The following DNAH8 variants were observed in gnomAD, a reference collection of about 807,000 sequenced individuals.
DNAH8 encodes axonemal beta dynein heavy chain 8.
DNAH8 carries 382 observed loss-of-function variants against 562.1 expected under a neutral mutation model. That is an observed-to-expected ratio of 0.68 (90% CI 0.63 to 0.74). DNAH8 has a LOEUF of 0.74. Ranked by LOEUF, DNAH8 falls within the 30% of genes least tolerant of loss-of-function variation. The pLI is 0.00. For synonymous variants in DNAH8, 1,881 were observed against 1,919.4 expected (o/e 0.98, Z 0.52); for missense variants, 5,203 against 5,620.4 (o/e 0.93, Z 2.37).
At chr6:38,907,867 G>A (rs753173807) in intron 63 of DNAH8, 89 bp from the exon 64 acceptor site, 148 of 1,120,940 alleles carry the variant, frequency 1.3e-4, no homozygotes, top group Non-Finnish European at 1.7e-4. Context: ...AAGATGACAT[G>A]CAAATTAAAA....
At chr6:38,811,222 C>G (rs1304185550) in intron 24 of DNAH8, among the ~76,000 whole-genome samples, 1 of 152,148 alleles carries the variant, frequency 6.6e-6, no homozygotes, top group Non-Finnish European at 1.5e-5. Flanking sequence ...TTCTGGAACT[C>G]CTATTAATTG....
intron 62 of DNAH8, among the ~76,000 whole-genome samples, chr6:38,901,270 A>G (rs1258083865): frequency 6.6e-6 from 1 of 152,102 alleles, no homozygotes; most frequent in Non-Finnish European, 1.5e-5. Flanking sequence ...CTAAGGGCAC[A>G]TAGATATTTT....
intron 82 of DNAH8, among the ~76,000 whole-genome samples, chr6:38,971,182 G>A (rs1223813971): frequency 1.3e-5 from 2 of 152,182 alleles, no homozygotes; most frequent in Non-Finnish European, 2.9e-5. Context: ...CTTTACAGAA[G>A]CGTCTGCTAA....
chr6:38,927,204 T>C lies in DNAH8; in HGVS notation c.11118+994T>C, dbSNP rs142773755. ...ATATGAAAAGAAGCACTTGGTAAAA[T>C]TCAATGCTCATTCATGATCAAATTT... On this transcript the variant is annotated intron_variant, in intron 74 of 92. Transcript: ENST00000327475. 3.2e-3 allele frequency among the ~76,000 whole-genome samples: 493 copies of C among 152,328 alleles called. 4 individuals carry two copies. Among genetic ancestry groups the C allele is most frequent in the African/African-American group, 0.011 (460 of 41,572 alleles).
In DNAH8 at chr6:38,786,956, A is replaced by G. The variant is rs1769215719; in HGVS notation, c.2583+4A>G. On this transcript the variant is annotated splice_donor_region_variant and intron_variant, in intron 18 of 92. Transcript: ENST00000327475. ...AGCAGACAAACTGTATTTGCAGGTA[A>G]GATAGATTATGTTTTCTAATTATTT... The G allele has an allele frequency of 3.2e-6, 5 of 1,575,786 alleles. No individual in the cohort carries two copies. The East Asian group carries it at 1.1e-4, about 35-fold the overall frequency.
At chr6:38,851,939 A>G (rs1047196685) in intron 39 of DNAH8, among the ~76,000 whole-genome samples, 3 of 152,162 alleles carry the variant, frequency 2.0e-5, no homozygotes, top group Non-Finnish European at 4.4e-5. Flanking sequence ...TCAATTCCAT[A>G]TCTGTAAAAT....
chr6:38,862,230 G>A, intron 43 of DNAH8, 50 bp from the exon 44 acceptor site: 1 of 1,547,124 alleles, frequency 6.5e-7, no homozygotes, highest in Non-Finnish European at 8.8e-7. Context: ...GCGCCATCCT[G>A]TAACGTGTCA....
chr6:38,985,694 C>G (rs1764339697), intron 87 of DNAH8, among the ~76,000 whole-genome samples: 1 of 152,158 alleles, frequency 6.6e-6, no homozygotes. Flanking sequence ...CACAAATGGA[C>G]ATGTACAAAA....
Position 38,915,065 on chromosome 6 carries a change from A to T in DNAH8, c.9964-136A>T, listed in dbSNP as rs1022720097. 8 of 718,878 alleles carry T rather than the reference A, an allele frequency of 1.1e-5. No individual in the cohort carries two copies. In the Admixed American group the frequency reaches 1.6e-4, roughly 14 times the overall value. 44.5% of individuals were successfully genotyped at this position (718,878 alleles called of 1,614,324 possible). ...AATTTACTTTAATATACCTTAAAAT[A>T]TAGACAACTTAGGAAATAAGTTTGT... On this transcript the variant is annotated intron_variant, in intron 67 of 92. Coordinates refer to ENST00000327475, the MANE Select transcript of DNAH8 (RefSeq NM_001206927.2).
At chr6:38,787,041 G>A in intron 18 of DNAH8, 89 bp downstream of exon 18, 1 of 735,982 alleles carries the variant, frequency 1.4e-6, no homozygotes, top group Non-Finnish European at 1.9e-6. Context: ...CTGCAGTTAT[G>A]CTTCATGGCA....
chr6:38,908,228 A>G (rs1188061196), intron 64 of DNAH8, 108 bp downstream of exon 64: 6 of 620,222 alleles, frequency 9.7e-6, no homozygotes, highest in Non-Finnish European at 5.0e-6. Flanking sequence ...ATATTTTTAC[A>G]TTGAATTAAA....
At chr6:38,906,740 TAA>T (rs1780511127) in intron 63 of DNAH8, among the ~76,000 whole-genome samples, 1 of 152,166 alleles carries the variant, frequency 6.6e-6, no homozygotes, top group African/African-American at 2.4e-5. Flanking sequence ...CTGTTAGTTG[TAA>T]ATGGATGTCT....
At chr6:38,746,982 A>AATTG in intron 8 of DNAH8, among the ~76,000 whole-genome samples, 1 of 152,106 alleles carries the variant, frequency 6.6e-6, no homozygotes, top group East Asian at 1.9e-4. Context: ...TTTAAAATAG[A>AATTG]ATTGCCCTTT....
chr6:38,737,106 T>A lies in DNAH8; in HGVS notation c.802T>A (p.Leu268Ile), dbSNP rs1764159107. ...TGTTCTGGATGCGTCGAAAGGACTC[T>A]TAAATGGAATTAGGGATATGTTGGC... ...FTVLDASKGLLNGIRDMLANI... is the reference protein window; with the variant it reads ...FTVLDASKGLINGIRDMLANI... Residue 268 changes from leucine to isoleucine, a missense_variant, in exon 6 of 93, where the codon TTA becomes ATA. Leu to Ile is a conservative substitution (Grantham distance 5). Coordinates refer to ENST00000327475, the MANE Select transcript of DNAH8 (RefSeq NM_001206927.2). The A allele has an allele frequency of 6.4e-7, 1 of 1,572,494 alleles. No individual in the cohort carries two copies. Among genetic ancestry groups the A allele is most frequent in the Non-Finnish European group, 8.6e-7 (1 of 1,164,852 alleles).
At chr6:39,014,293 A>G (rs960959128) in intron 91 of DNAH8, among the ~76,000 whole-genome samples, 3 of 152,120 alleles carry the variant, frequency 2.0e-5, no homozygotes, top group African/African-American at 4.8e-5. Context: ...AACATTTTTT[A>G]TTATGGGTCT....
intron 11 of DNAH8, among the ~76,000 whole-genome samples, chr6:38,768,394 A>G (rs2127618482): frequency 6.6e-6 from 1 of 151,986 alleles, no homozygotes; most frequent in African/African-American, 2.4e-5. Context: ...CTGCCTCCTA[A>G]GTAGCTGGGA....
Position 38,907,989 on chromosome 6 carries a change from G to A in DNAH8, c.9382G>A (p.Glu3128Lys). 5.0e-6 allele frequency: 8 copies of A among 1,608,158 alleles called. No individual in the cohort carries two copies. Among genetic ancestry groups the A allele is most frequent in the Non-Finnish European group, 6.8e-6 (8 of 1,178,008 alleles). Residue 3128 changes from glutamate to lysine, a missense_variant, in exon 64 of 93, where the codon GAA becomes AAA. By Grantham distance (56) the Glu-to-Lys change is moderately conservative (BLOSUM62 1). Transcript: ENST00000327475. ...CTTGTTTGCACGAGATGAGATGGAT[G>A]AAATCACCCAAGGTCTGATTTCAGT... ...SNLFARDEMD[E>K]ITQGLISVMK... is the part of the protein sequence containing the mutation.
intron 26 of DNAH8, 76 bp downstream of exon 26, chr6:38,815,733 T>C (rs1772201039): frequency 1.5e-6 from 2 of 1,297,012 alleles, no homozygotes; most frequent in African/African-American, 3.0e-5. Context: ...TAAATTATTT[T>C]ATATGTTTGA....
chr6:38,900,577 C>T (rs1374942239), intron 62 of DNAH8, among the ~76,000 whole-genome samples: 1 of 152,046 alleles, frequency 6.6e-6, no homozygotes, highest in African/African-American at 2.4e-5. Flanking sequence ...TGCTCCGCAT[C>T]CTTGCTCCCA....
Sources: allele counts gnomAD v4.1 joint callset (sites outside exome capture counted in the v4.1 genomes callset), GRCh38; gene constraint gnomAD v4.1.1; transcripts MANE v1.5; gene names NCBI Gene and HGNC (gene_info 2026-07-23, HGNC 2026-07-21).